The following SMCHD1 variants were observed in gnomAD, a reference collection of about 807,000 sequenced individuals.
The protein encoded by SMCHD1 is structural maintenance of chromosomes flexible hinge domain-containing protein 1.
SMCHD1 carries 78 observed loss-of-function variants against 254.7 expected under a neutral mutation model. The ratio of observed to expected loss-of-function variants is 0.31; its 90% CI spans 0.26 to 0.37. The LOEUF (loss-of-function observed/expected upper bound fraction) is 0.37. Ranked by LOEUF, SMCHD1 falls within the 10% of genes least tolerant of loss-of-function variation. SMCHD1 has a pLI of 1.00. For synonymous variants in SMCHD1, 766 were observed against 794.9 expected (o/e 0.96, Z 0.61); for missense variants, 1,840 against 2,408.1 (o/e 0.76, Z 4.94).
intron 10 of SMCHD1, 56 bp downstream of exon 10, chr18:2,698,097 A>C (rs1476772872): frequency 2.8e-5 from 38 of 1,381,704 alleles, no homozygotes; most frequent in Non-Finnish European, 3.8e-5. Context: ...TAGGACAGTG[A>C]TTTGTTTTTC....
At chr18:2,656,985 G>C (rs1382035685) in intron 1 of SMCHD1, among the ~76,000 whole-genome samples, 1 of 152,208 alleles carries the variant, frequency 6.6e-6, no homozygotes, top group African/African-American at 2.4e-5. Context: ...TGAACGTGGA[G>C]GGAAATCCGC....
chr18:2,728,986 G>A (rs1448259923), intron 23 of SMCHD1, among the ~76,000 whole-genome samples: 1 of 150,620 alleles, frequency 6.6e-6, no homozygotes, highest in East Asian at 1.9e-4. Flanking sequence ...CTAAATGAAG[G>A]TAGGTAAAAG....
chr18:2,801,854 G>GA, intron 47 of SMCHD1, among the ~76,000 whole-genome samples: 1 of 152,008 alleles, frequency 6.6e-6, no homozygotes, highest in Non-Finnish European at 1.5e-5. Context: ...TGTTAAGTGT[G>GA]AAAAAATATC....
chr18:2,759,070 G>A (rs1465415215), intron 34 of SMCHD1, among the ~76,000 whole-genome samples: 1 of 152,140 alleles, frequency 6.6e-6, no homozygotes, highest in African/African-American at 2.4e-5. Context: ...ATGTATTAAA[G>A]TCTGCCTAGA....
rs2076303876 is a variant in SMCHD1 at position 2,790,590 on chromosome 18, T to C, written c.5720-5359T>C. Among the ~76,000 whole-genome samples the C allele has an allele frequency of 6.6e-5, 10 of 152,208 alleles. No individual in the cohort carries two copies. The South Asian group carries it at 2.1e-3, about 32-fold the overall frequency. On this transcript the variant is annotated intron_variant, in intron 45 of 47. Coordinates refer to ENST00000320876, the MANE Select transcript of SMCHD1 (RefSeq NM_015295.3). ...GCCTGGCCAAAATGGTGAAACCCCA[T>C]CTCTACTAAAAATACAAAAAATTAG...
intron 34 of SMCHD1, among the ~76,000 whole-genome samples, chr18:2,759,393 T>G (rs2075739781): frequency 6.6e-6 from 1 of 152,014 alleles, no homozygotes; most frequent in Non-Finnish European, 1.5e-5. Flanking sequence ...TAAAGCATCC[T>G]TAAATATGAA....
intron 17 of SMCHD1, among the ~76,000 whole-genome samples, chr18:2,714,564 C>A (rs900648040): frequency 6.6e-5 from 10 of 151,360 alleles, no homozygotes; most frequent in African/African-American, 2.4e-4. Flanking sequence ...TCCTTTCTGT[C>A]TTTGTGGTTT....
intron 29 of SMCHD1, 50 bp from the exon 30 acceptor site, chr18:2,747,472 G>A: frequency 1.3e-6 from 2 of 1,504,562 alleles, no homozygotes; most frequent in South Asian, 1.2e-5. Context: ...TAATTGCATT[G>A]TTTGGCCCAT....
At chr18:2,733,768 G>A (rs1313045710) in intron 25 of SMCHD1, among the ~76,000 whole-genome samples, 1 of 152,164 alleles carries the variant, frequency 6.6e-6, no homozygotes, top group African/African-American at 2.4e-5. Flanking sequence ...TTCAAAGTAA[G>A]CATTGTAACA....
chr18:2,663,891 A>ATT (rs2073364127), intron 1 of SMCHD1, among the ~76,000 whole-genome samples: 2 of 151,610 alleles, frequency 1.3e-5, no homozygotes, highest in Non-Finnish European at 2.9e-5. Context: ...ATTTTTTTGT[A>ATT]CTTTTAGTAG....
At chr18:2,660,983 GAATACTATGC>G (rs1444156145) in intron 1 of SMCHD1, among the ~76,000 whole-genome samples, 1 of 152,132 alleles carries the variant, frequency 6.6e-6, no homozygotes, top group East Asian at 1.9e-4. Flanking sequence ...ATACACCATG[GAATACTATGC>G]AGCCATAAAA....
chr18:2,775,833 G>A lies in SMCHD1; in HGVS notation c.5275G>A (p.Ala1759Thr), dbSNP rs753994912. ...MDCVVTLTTD[A>T]ARRIYDETQG... ...CTGTGTAGTCACCCTAACCACTGAC[G>A]CTGCACGTCGTATCTATGATGAAAC... The change falls in exon 42 of 48, where the codon GCT (alanine) becomes ACT (threonine). Residue 1759 changes from alanine (A) to threonine (T), a missense_variant. By Grantham distance (58) the Ala-to-Thr change is moderately conservative. This residue lies in a region of SMCHD1 where 114 missense variants were observed against 217.6 expected (regional missense o/e 0.52). Coordinates refer to ENST00000320876, the MANE Select transcript of SMCHD1 (RefSeq NM_015295.3). 9.9e-6 allele frequency: 16 copies of A among 1,612,412 alleles called. No homozygotes were observed. In the Admixed American group the frequency reaches 1.7e-4, roughly 17 times the overall value.
At chr18:2,734,079 A>T (rs2143498182) in intron 25 of SMCHD1, among the ~76,000 whole-genome samples, 1 of 152,246 alleles carries the variant, frequency 6.6e-6, no homozygotes, top group African/African-American at 2.4e-5. Flanking sequence ...GGTTCAACTG[A>T]CCTGAGTTTT....
intron 20 of SMCHD1, 44 bp from the exon 21 acceptor site, chr18:2,724,855 T>G (rs1436597684): frequency 1.8e-6 from 2 of 1,108,438 alleles, no homozygotes; most frequent in East Asian, 2.7e-5. Flanking sequence ...GCAGCTTACT[T>G]GTAGGCAATT....
rs1568225121 is a variant in SMCHD1 at position 2,718,507 on chromosome 18, A to C, written c.2458+73A>C. The C allele has an allele frequency of 1.5e-6, 2 of 1,297,534 alleles. No individual in the cohort carries two copies. The highest frequency in any genetic ancestry group is 2.1e-6 in the Non-Finnish European group (2 of 944,764). 80.4% of individuals were successfully genotyped at this position (1,297,534 alleles called of 1,614,324 possible). A position where few individuals can be genotyped will look rare whatever the true frequency, so the allele number is the denominator to read the frequency against. On this transcript the variant is annotated intron_variant, in intron 19 of 47. Coordinates refer to ENST00000320876, the MANE Select transcript of SMCHD1 (RefSeq NM_015295.3). The surrounding 1 kb of genome is among the most constrained non-coding windows in gnomAD (Gnocchi z 4.6). ...TAAATCCAAAGAGAAAAGAGAGATA[A>C]GCCATTAAAAGATGTTTGAACAATT...
chr18:2,749,448 A>G (rs1312656766), intron 30 of SMCHD1, among the ~76,000 whole-genome samples: 3 of 152,236 alleles, frequency 2.0e-5, no homozygotes, highest in African/African-American at 4.8e-5. Context: ...ATATGATTCT[A>G]GTTTCTGGAG....
rs947686911 is a variant in SMCHD1 at position 2,740,879 on chromosome 18, A to G, written c.3633+58A>G. ...TTTATTCATTGTTATATGTGTAACAAAAAGTTTGGGAAAAACTAGTATAAG... is the reference window on the plus strand; with the variant it reads ...TTTATTCATTGTTATATGTGTAACAGAAAGTTTGGGAAAAACTAGTATAAG... On this transcript the variant is annotated intron_variant, in intron 28 of 47. Coordinates refer to ENST00000320876, the MANE Select transcript of SMCHD1 (RefSeq NM_015295.3). 4 of 968,370 alleles carry G rather than the reference A, an allele frequency of 4.1e-6. No individual in the cohort carries two copies. The African/African-American group carries it at 5.0e-5, about 12-fold the overall frequency. 60.0% of individuals were successfully genotyped at this position (968,370 alleles called of 1,614,324 possible). A position where few individuals can be genotyped will look rare whatever the true frequency, so the allele number is the denominator to read the frequency against.
At chr18:2,685,902 T>G (rs79296100) in intron 5 of SMCHD1, among the ~76,000 whole-genome samples, 2,003 of 152,356 alleles carry the variant, frequency 0.013, 21 homozygotes, top group South Asian at 0.019. Flanking sequence ...CTTTTGTCTT[T>G]TGATAATGCT....
chr18:2,699,979 G>A (rs1312280919), intron 10 of SMCHD1, among the ~76,000 whole-genome samples: 1 of 152,178 alleles, frequency 6.6e-6, no homozygotes, highest in Non-Finnish European at 1.5e-5. Context: ...AGACAATTGT[G>A]CAAATTAATG....
Sources: gnomAD v4.1 joint callset for allele counts (sites outside exome capture counted in the v4.1 genomes callset) on GRCh38, gnomAD v4.1.1 for gene constraint, gnomAD v4.1.1 regional missense constraint, Gnocchi (gnomAD v3.1) non-coding constraint, MANE v1.5 for transcripts, NCBI Gene and HGNC (gene_info 2026-07-23, HGNC 2026-07-21) for gene names.